PDGFD: variants seen among roughly 807,000 people sequenced by gnomAD.
PDGFD encodes platelet-derived growth factor D.
Under a neutral mutation model 44.7 loss-of-function variants are expected in PDGFD, and 30 were observed. The ratio of observed to expected loss-of-function variants is 0.67; its 90% CI spans 0.50 to 0.91. PDGFD has a LOEUF of 0.91. Ranked by LOEUF, PDGFD falls within the 40% of genes least tolerant of loss-of-function variation. PDGFD has a pLI of 0.00. For synonymous variants in PDGFD, 173 were observed against 168.4 expected, an observed-to-expected ratio of 1.03 and a Z score of -0.21; for missense variants, 445 against 457.8, an observed-to-expected ratio of 0.97 and a Z score of 0.25.
At chr11:104,148,393 T>C (rs1258557591) in intron 1 of PDGFD, among the ~76,000 whole-genome samples, 4 of 152,230 alleles carry the variant, frequency 2.6e-5, no homozygotes, top group Middle Eastern at 3.4e-3. Flanking sequence ...ACTGTCCAAA[T>C]TGGCAACAAT....
intron 4 of PDGFD, among the ~76,000 whole-genome samples, chr11:103,947,004 C>T (rs1374384656): frequency 1.3e-5 from 2 of 152,124 alleles, no homozygotes; most frequent in Non-Finnish European, 2.9e-5. Flanking sequence ...TAAACAACTG[C>T]ATTTATTATC....
At chr11:103,987,831 G>A (rs1037967143) in intron 3 of PDGFD, among the ~76,000 whole-genome samples, 1 of 148,436 alleles carries the variant, frequency 6.7e-6, no homozygotes, top group African/African-American at 2.5e-5. Context: ...TTCCCGGGAT[G>A]CTGTTGCCTC....
At chr11:104,030,599 C>T (rs189122003) in intron 1 of PDGFD, among the ~76,000 whole-genome samples, 31 of 152,316 alleles carry the variant, frequency 2.0e-4, no homozygotes, top group Non-Finnish European at 4.1e-4. Flanking sequence ...TTTTGAGAAG[C>T]TCAGACTACT....
At chr11:103,933,691 C>A (rs534164993) in intron 5 of PDGFD, among the ~76,000 whole-genome samples, 10 of 152,292 alleles carry the variant, frequency 6.6e-5, no homozygotes, top group Admixed American at 2.6e-4. Flanking sequence ...GATGCTTTCA[C>A]AAAATCAAAT....
At chr11:103,920,245 G>A (rs967315369) in intron 6 of PDGFD, among the ~76,000 whole-genome samples, 2 of 152,212 alleles carry the variant, frequency 1.3e-5, no homozygotes, top group African/African-American at 4.8e-5. Context: ...TGATATCTGT[G>A]CATATTTACT....
chr11:104,129,492 T>C (rs1035721426), intron 1 of PDGFD, among the ~76,000 whole-genome samples: 1 of 152,252 alleles, frequency 6.6e-6, no homozygotes, highest in East Asian at 1.9e-4. Context: ...CTCTTTTTCA[T>C]TTGTAACACA....
intron 1 of PDGFD, among the ~76,000 whole-genome samples, chr11:104,127,049 T>C (rs1167260379): frequency 1.3e-5 from 2 of 152,064 alleles, no homozygotes; most frequent in Admixed American, 1.3e-4. Context: ...CCCGTGCCCA[T>C]ACCCACACTA....
At chr11:103,972,615 T>C (rs767943840) in intron 3 of PDGFD, among the ~76,000 whole-genome samples, 4 of 152,148 alleles carry the variant, frequency 2.6e-5, no homozygotes, top group South Asian at 2.1e-4. Flanking sequence ...GGCTGATGCA[T>C]AGTGTCCCCC....
At chr11:104,142,445 GTA>G in intron 1 of PDGFD, among the ~76,000 whole-genome samples, 1 of 152,052 alleles carries the variant, frequency 6.6e-6, no homozygotes, top group Non-Finnish European at 1.5e-5. Context: ...ATGTGTGTGT[GTA>G]TATATATAGT....
intron 1 of PDGFD, among the ~76,000 whole-genome samples, chr11:104,048,319 T>C (rs1247243159): frequency 6.6e-6 from 1 of 151,810 alleles, no homozygotes. Flanking sequence ...ACTTAAATGA[T>C]TATAGAAGCA....
rs538107498 is a variant in PDGFD, at chr11:103,947,872, G to T, written c.511-148C>A. 3 of 665,312 alleles carry T rather than the reference G, an allele frequency of 4.5e-6. No homozygotes were observed. In the East Asian group the frequency reaches 8.3e-5, roughly 18 times the overall value. 41.2% of individuals were successfully genotyped at this position (665,312 alleles called of 1,614,324 possible). On this transcript the variant is annotated intron_variant, in intron 3 of 6. Coordinates refer to ENST00000393158, the MANE Select transcript of PDGFD (RefSeq NM_025208.5). ...ATTCCTGCTGAACAGGTCACCATTT[G>T]TCTTAAGCACATCTCCTCAAGAACC... is the stretch of plus-strand genomic sequence containing the variant.
At position 104,163,819 on chromosome 11, in the gene PDGFD, T is replaced by C. The variant is rs1186995467; in HGVS notation, c.109A>G (p.Asn37Asp). ...AGTCTCTTACCATCTCGCCTGAGGTTGGCGTTGCGCAAAGCTTTGATGGAT... is the reference window on the plus strand; with the variant it reads ...AGTCTCTTACCATCTCGCCTGAGGTCGGCGTTGCGCAAAGCTTTGATGGAT... Reference protein sequence around the residue: ...SASIKALRNANLRRDESNHLT... With the variant: ...SASIKALRNADLRRDESNHLT... Residue 37 changes from asparagine (N) to aspartate (D), a missense_variant, in exon 1 of 7, where the codon AAC (asparagine) becomes GAC (aspartate). Asn to Asp is a conservative substitution (Grantham distance 23). Coordinates refer to ENST00000393158, the MANE Select transcript of PDGFD (RefSeq NM_025208.5). 3 of 1,550,914 alleles carry C rather than the reference T, an allele frequency of 1.9e-6. No homozygotes were observed. The highest frequency in any genetic ancestry group is 2.6e-6 in the Non-Finnish European group (3 of 1,136,388).
intron 3 of PDGFD, among the ~76,000 whole-genome samples, chr11:103,949,840 A>C (rs972281445): frequency 6.6e-6 from 1 of 152,136 alleles, no homozygotes; most frequent in Non-Finnish European, 1.5e-5. Flanking sequence ...TTCACATAGG[A>C]AGCTGATTTG....
At chr11:104,019,832 T>C (rs1859922679) in intron 1 of PDGFD, among the ~76,000 whole-genome samples, 1 of 152,110 alleles carries the variant, frequency 6.6e-6, no homozygotes, top group Non-Finnish European at 1.5e-5. Context: ...AAAATAAAAA[T>C]GTGTTTGGAG....
At chr11:104,135,106 G>C (rs1234843843) in intron 1 of PDGFD, among the ~76,000 whole-genome samples, 1 of 151,984 alleles carries the variant, frequency 6.6e-6, no homozygotes, top group African/African-American at 2.4e-5. Flanking sequence ...TAAGATATCT[G>C]TTATATTAAA....
intron 1 of PDGFD, among the ~76,000 whole-genome samples, chr11:104,027,705 A>G (rs1260316981): frequency 1.3e-5 from 2 of 152,214 alleles, no homozygotes; most frequent in Non-Finnish European, 2.9e-5. Flanking sequence ...ATTTTTCCAG[A>G]ACTGCAGATA....
intron 1 of PDGFD, among the ~76,000 whole-genome samples, chr11:104,035,568 T>C (rs1269171921): frequency 1.5e-4 from 22 of 142,460 alleles, no homozygotes; most frequent in East Asian, 3.9e-4. Context: ...TTTCTTTTTT[T>C]TTTTTTTTTT....
At chr11:104,136,263 C>G (rs964054617) in intron 1 of PDGFD, among the ~76,000 whole-genome samples, 8 of 152,312 alleles carry the variant, frequency 5.3e-5, no homozygotes, top group Admixed American at 1.3e-4. Flanking sequence ...GCTCTAGCTA[C>G]TGTCCTATAA....
intron 1 of PDGFD, among the ~76,000 whole-genome samples, chr11:104,152,384 CTTATT>C (rs1862260064): frequency 6.6e-6 from 1 of 151,982 alleles, no homozygotes; most frequent in South Asian, 2.1e-4. Context: ...AGTAGCAATT[CTTATT>C]TTATCATCAG....
Sources: allele counts gnomAD v4.1 joint callset (sites outside exome capture counted in the v4.1 genomes callset), GRCh38; gene constraint gnomAD v4.1.1; transcripts MANE v1.5; gene names NCBI Gene and HGNC (gene_info 2026-07-23, HGNC 2026-07-21).